Variants in CXXC5 observed in about 807,000 individuals in gnomAD.
CXXC5 encodes the protein CXXC-type zinc finger protein 5.
In CXXC5, 2 loss-of-function variants were observed where a neutral mutation model predicts 17.6. That is an observed-to-expected ratio of 0.11 (90% CI 0.05 to 0.36). The LOEUF (loss-of-function observed/expected upper bound fraction) is 0.36, where lower values mean the gene tolerates loss of function less well. CXXC5 is among the 10% of genes least tolerant of loss of function. The pLI, the probability that CXXC5 is intolerant of heterozygous loss-of-function variation, is 1.00. For synonymous variants in CXXC5, 171 were observed against 193.0 expected, an observed-to-expected ratio of 0.89 and a Z score of 0.94; for missense variants, 343 against 458.3, an observed-to-expected ratio of 0.75 and a Z score of 2.30.
In CXXC5 at chr5:139,683,768, GCGGCCTGGGCCCCCCTGCCCA is replaced by G; in HGVS notation, c.*867_*887del. 6.5e-6 allele frequency: 1 copy of G among 152,672 alleles called. No individual in the cohort carries two copies. The highest frequency in any genetic ancestry group is 1.5e-5 in the Non-Finnish European group (1 of 68,030). 9.5% of individuals were successfully genotyped at this position (152,672 alleles called of 1,614,324 possible). A position where few individuals can be genotyped will look rare whatever the true frequency, so the allele number is the denominator to read the frequency against. On this transcript the variant is annotated 3_prime_UTR_variant, in exon 3 of 3. Transcript: ENST00000302517. ...GGGGTGGGTCCCCAGGGGGCCCCCT[GCGGCCTGGGCCCCCCTGCCCA>G]CGGCCAGCTTCCTGCTGATGAACAT...
chr5:139,681,613 C>A, intron 2 of CXXC5, 166 bp downstream of exon 2: 1 of 769,372 alleles, frequency 1.3e-6, no homozygotes, highest in Non-Finnish European at 2.0e-6. Context: ...CAGTTTACTG[C>A]CCCAAAAGTC....
chr5:139,658,207 G>A lies in CXXC5; in HGVS notation c.-161+9362G>A, dbSNP rs148219910. Among the ~76,000 whole-genome samples the A allele has an allele frequency of 1.7e-3, 265 of 152,272 alleles. No individual in the cohort carries two copies. The highest frequency in any genetic ancestry group is 6.1e-3 in the African/African-American group (252 of 41,536). The stretch of plus-strand genomic sequence containing the variant: ...GGACCTGGCCCCCTTTCTTCCTGGG[G>A]CGGTCAGATCTTGGTGGCCTAGAAT... On this transcript the variant is annotated intron_variant, in intron 1 of 2. Coordinates refer to ENST00000302517, the MANE Select transcript of CXXC5 (RefSeq NM_016463.9). This position sits in a 1 kb window ranked among gnomAD's most constrained non-coding sequence, Gnocchi z 4.1.
chr5:139,671,965 C>G (rs1327296690), intron 1 of CXXC5, among the ~76,000 whole-genome samples: 1 of 152,184 alleles, frequency 6.6e-6, no homozygotes, highest in Non-Finnish European at 1.5e-5. Flanking sequence ...TGTCCCTGAG[C>G]CTCAGTTGCC....
At chr5:139,673,855 A>AGG in intron 1 of CXXC5, among the ~76,000 whole-genome samples, 1 of 101,798 alleles carries the variant, frequency 9.8e-6, no homozygotes, top group South Asian at 3.0e-4. Flanking sequence ...AAAAAAAAAA[A>AGG]GAGAGAGAGA....
At chr5:139,650,179 G>A (rs1354998064) in intron 1 of CXXC5, among the ~76,000 whole-genome samples, 1 of 152,208 alleles carries the variant, frequency 6.6e-6, no homozygotes, top group Non-Finnish European at 1.5e-5. Context: ...GTTCTGTAGT[G>A]ACTCATTCGG....
At chr5:139,678,062 C>T (rs1756958484) in intron 1 of CXXC5, among the ~76,000 whole-genome samples, 1 of 152,268 alleles carries the variant, frequency 6.6e-6, no homozygotes, top group African/African-American at 2.4e-5. Context: ...CCCTCCCCAT[C>T]TCTGCAGCCC....
At chr5:139,647,662 C>A (rs375095066), upstream of CXXC5, among the ~76,000 whole-genome samples, 1 of 152,180 alleles carries the variant, frequency 6.6e-6, no homozygotes, top group Non-Finnish European at 1.5e-5. Context: ...GGTCTCAGGG[C>A]ACCAAATGTA....
chr5:139,666,495 G>T (rs1051589429), intron 1 of CXXC5, among the ~76,000 whole-genome samples: 1 of 152,218 alleles, frequency 6.6e-6, no homozygotes. Context: ...CTGCAGGAGC[G>T]TGGGCTTTGG....
intron 2 of CXXC5, among the ~76,000 whole-genome samples, chr5:139,682,344 C>T (rs1362063110): frequency 6.6e-6 from 1 of 151,418 alleles, no homozygotes; most frequent in African/African-American, 2.4e-5. Context: ...CAGCCCCAGC[C>T]CCAGCCCCAG....
chr5:139,660,231 C>T (rs538192337), intron 1 of CXXC5, among the ~76,000 whole-genome samples: 2 of 152,302 alleles, frequency 1.3e-5, no homozygotes, highest in East Asian at 1.9e-4. Context: ...GGTGCCTTGT[C>T]GAGGGCCTGC....
intron 1 of CXXC5, among the ~76,000 whole-genome samples, chr5:139,672,524 C>T (rs1014036620): frequency 2.0e-5 from 3 of 152,310 alleles, no homozygotes; most frequent in African/African-American, 4.8e-5. Flanking sequence ...CTCAGCCCTG[C>T]GTCCTGCTCA....
chr5:139,681,338 G>A lies in CXXC5; in HGVS notation c.815G>A (p.Arg272His), dbSNP rs756512474. The change falls in exon 2 of 3, where the codon CGC (arginine) becomes CAC (histidine). Residue 272 changes from arginine (R) to histidine (H), a missense_variant. Physicochemically the swap from Arg to His is conservative, Grantham distance 29 (BLOSUM62 0). Around this residue, in one of 4 missense-constraint regions of CXXC5, gnomAD observed 21 missense variants for 41.0 expected, o/e 0.51. Coordinates refer to ENST00000302517, the MANE Select transcript of CXXC5 (RefSeq NM_016463.9). ...GGCATGTGCGCGCCCTGCCGGCGGC[G>A]CATCAACTGCGAGCAGTGCAGCAGT... is the stretch of plus-strand genomic sequence containing the variant. ...RCGMCAPCRRRINCEQCSSCR... is the reference protein window; with the variant it reads ...RCGMCAPCRRHINCEQCSSCR... 6.8e-6 allele frequency: 11 copies of A among 1,612,396 alleles called. No individual in the cohort carries two copies. The highest frequency in any genetic ancestry group is 8.5e-6 in the Non-Finnish European group (10 of 1,179,542).
rs1041547220 is a variant in CXXC5, at chr5:139,668,131, C to G, written c.-160-12233C>G. 5.9e-5 allele frequency among the ~76,000 whole-genome samples: 9 copies of G among 152,178 alleles called. No individual in the cohort carries two copies. The highest frequency in any genetic ancestry group is 1.4e-4 in the African/African-American group (6 of 41,440). ...GCCTGGCCCGAGGCAAAAACCTCCC[C>G]AAATTTCCCCTGCCACTCCCTCCGC... On this transcript the variant is annotated intron_variant, in intron 1 of 2. Coordinates refer to ENST00000302517, the MANE Select transcript of CXXC5 (RefSeq NM_016463.9). The surrounding 1 kb of genome is among the most constrained non-coding windows in gnomAD (Gnocchi z 4.1).
At chr5:139,662,112 G>C (rs1013447474) in intron 1 of CXXC5, among the ~76,000 whole-genome samples, 2 of 152,126 alleles carry the variant, frequency 1.3e-5, no homozygotes, top group Admixed American at 6.5e-5. Context: ...ATGGGGGGAA[G>C]AATGAGACCT....
chr5:139,654,714 A>G (rs1244155467), intron 1 of CXXC5, among the ~76,000 whole-genome samples: 3 of 151,356 alleles, frequency 2.0e-5, no homozygotes, highest in Admixed American at 6.6e-5. Context: ...CATGGGGCAC[A>G]TGGTAGCCTT....
Position 139,680,835 on chromosome 5 carries a change from G to C in CXXC5, c.312G>C (p.Lys104Asn). 1 of 1,611,820 alleles carries C rather than the reference G, an allele frequency of 6.2e-7. No individual in the cohort carries two copies. Among genetic ancestry groups the C allele is most frequent in the South Asian group, 1.1e-5 (1 of 91,078 alleles). The change falls in exon 2 of 3, where the codon AAG (lysine) becomes AAC (asparagine). Residue 104 changes from lysine (K) to asparagine (N), a missense_variant. Physicochemically the swap from Lys to Asn is moderately conservative, Grantham distance 94 (BLOSUM62 0). Coordinates refer to ENST00000302517, the MANE Select transcript of CXXC5 (RefSeq NM_016463.9). The stretch of plus-strand genomic sequence containing the variant: ...TGATGGGCGGAGAGTCTGCTGACAA[G>C]GCCACTGCGGCTGCAGCCGCTGCCT... ...GSMMGGESAD[K>N]ATAAAAAASL...
Position 139,680,571 on chromosome 5 carries a change from C to G in CXXC5, c.48C>G (p.Ser16Arg). Residue 16 changes from serine (S) to arginine (R), a missense_variant, in exon 2 of 3, where the codon AGC (serine) becomes AGG (arginine). Coordinates refer to ENST00000302517, the MANE Select transcript of CXXC5 (RefSeq NM_016463.9). ...GGSQDAGGSS[S>R]SSTNGSGGSG... is the part of the protein sequence containing the mutation. The stretch of plus-strand genomic sequence containing the variant: ...CCCAGGATGCCGGCGGCAGTAGCAG[C>G]AGCAGCACCAATGGCAGCGGTGGCA... 6.3e-7 allele frequency: 1 copy of G among 1,593,904 alleles called. No homozygotes were observed. Among genetic ancestry groups the G allele is most frequent in the Non-Finnish European group, 8.5e-7 (1 of 1,171,356 alleles).
chr5:139,660,285 C>T (rs1755720953), intron 1 of CXXC5, among the ~76,000 whole-genome samples: 1 of 152,182 alleles, frequency 6.6e-6, no homozygotes, highest in African/African-American at 2.4e-5. Context: ...AGGCAGGAAT[C>T]CGGGTTGTGC....
intron 1 of CXXC5, among the ~76,000 whole-genome samples, chr5:139,657,945 A>G (rs1429300153): frequency 6.7e-6 from 1 of 149,228 alleles, no homozygotes; most frequent in Non-Finnish European, 1.5e-5. Flanking sequence ...ACCCACTCTC[A>G]CTCTGGTGCG....
Sources: allele counts gnomAD v4.1 joint callset (sites outside exome capture counted in the v4.1 genomes callset), GRCh38; gene constraint gnomAD v4.1.1; regional missense constraint gnomAD v4.1.1; non-coding constraint Gnocchi (gnomAD v3.1); transcripts MANE v1.5; gene names NCBI Gene and HGNC (gene_info 2026-07-23, HGNC 2026-07-21).